Variants in BCKDHB observed in about 807,000 individuals in gnomAD.
BCKDHB encodes 2-oxoisovalerate dehydrogenase subunit beta, mitochondrial.
A neutral mutation model predicts 48.5 loss-of-function variants in BCKDHB; 41 were observed. The observed-to-expected ratio is 0.85, with a 90% CI of 0.66 to 1.10. The LOEUF (loss-of-function observed/expected upper bound fraction) is 1.10, where lower values mean the gene tolerates loss of function less well. Among genes scored for constraint, BCKDHB ranks in the 50% least tolerant of loss-of-function variants. The pLI is 0.00. For synonymous variants in BCKDHB, 201 were observed against 174.8 expected (o/e 1.15, Z -1.18); for missense variants, 496 against 494.2 (o/e 1.00, Z -0.03).
At position 80,230,026 on chromosome 6, in the gene BCKDHB, G is replaced by GTTT. The variant is rs551632775; in HGVS notation, c.951+26842_951+26844dup. On this transcript the variant is annotated intron_variant, in intron 8 of 9. Coordinates refer to ENST00000320393, the MANE Select transcript of BCKDHB (RefSeq NM_183050.4). Reference sequence around the variant, plus strand: ...TGAATTCCAAAGGGGTTTTTAGGTTGTTTTTTTTTTTTTTTTTTTTTTTTT... The same window carrying GTTT: ...TGAATTCCAAAGGGGTTTTTAGGTTGTTTTTTTTTTTTTTTTTTTTTTTTTTTT... Among the ~76,000 whole-genome samples the GTTT allele has an allele frequency of 2.5e-3, 152 of 60,654 alleles. 13 individuals are homozygous for GTTT. Among genetic ancestry groups the GTTT allele is most frequent in the African/African-American group, 5.1e-3 (74 of 14,482 alleles). 39.8% of individuals were successfully genotyped at this position (60,654 alleles called of 152,430 possible). A position where few individuals can be genotyped will look rare whatever the true frequency, so the allele number is the denominator to read the frequency against.
At chr6:80,351,843 C>T in the BCKDHB span, among the ~76,000 whole-genome samples, 6 of 142,016 alleles carry the variant, frequency 4.2e-5, no homozygotes, top group East Asian at 2.0e-4. Flanking sequence ...TTTTTTGAGA[C>T]GGAGTTTCGC....
At chr6:80,424,504 T>G in the BCKDHB span, among the ~76,000 whole-genome samples, 1 of 152,346 alleles carries the variant, frequency 6.6e-6, no homozygotes, top group South Asian at 2.1e-4. Context: ...CATTACATAA[T>G]TAATTTGGCT....
At chr6:80,414,396 G>T in the BCKDHB span, among the ~76,000 whole-genome samples, 11 of 152,050 alleles carry the variant, frequency 7.2e-5, no homozygotes, top group Non-Finnish European at 1.5e-4. Flanking sequence ...GTATTTTCTA[G>T]GTTGCCTTCC....
chr6:80,311,722 G>T (rs1419432131), intron 9 of BCKDHB, among the ~76,000 whole-genome samples: 3 of 152,098 alleles, frequency 2.0e-5, no homozygotes, highest in Non-Finnish European at 4.4e-5. Context: ...GTTCATCAAA[G>T]ATCAAATTGT....
At chr6:80,394,234 G>A in the BCKDHB span, among the ~76,000 whole-genome samples, 1 of 152,022 alleles carries the variant, frequency 6.6e-6, no homozygotes, top group African/African-American at 2.4e-5. Context: ...TTTCTCTACT[G>A]TTTCAATCTC....
chr6:80,276,535 A>C (rs575111166), intron 9 of BCKDHB, among the ~76,000 whole-genome samples: 1 of 151,922 alleles, frequency 6.6e-6, no homozygotes, highest in Non-Finnish European at 1.5e-5. Flanking sequence ...TTTAAAGCTT[A>C]TTTTAGTATA....
At chr6:80,417,848 C>T in the BCKDHB span, among the ~76,000 whole-genome samples, 3 of 151,820 alleles carry the variant, frequency 2.0e-5, no homozygotes, top group Non-Finnish European at 4.4e-5. Flanking sequence ...ACTGAGGTTC[C>T]CTGTATTTTC....
At chr6:80,351,689 C>T in the BCKDHB span, among the ~76,000 whole-genome samples, 2 of 142,110 alleles carry the variant, frequency 1.4e-5, no homozygotes, top group Admixed American at 7.6e-5. Context: ...GTCACCCAGG[C>T]TGGAGTGCAG....
At chr6:80,256,583 A>T (rs1777061184) in intron 8 of BCKDHB, among the ~76,000 whole-genome samples, 2 of 152,220 alleles carry the variant, frequency 1.3e-5, no homozygotes, top group Admixed American at 1.3e-4. Flanking sequence ...TTGACTAAGG[A>T]AAATATCCAA....
intron 8 of BCKDHB, chr6:80,251,740 G>T (rs1776847956): frequency 6.6e-6 from 1 of 152,124 alleles, no homozygotes; most frequent in South Asian, 2.1e-4. Flanking sequence ...GGTATTTGCA[G>T]CAACCAACAT....
At chr6:80,145,976 A>T (rs891643090) in intron 3 of BCKDHB, among the ~76,000 whole-genome samples, 1 of 152,094 alleles carries the variant, frequency 6.6e-6, no homozygotes, top group Non-Finnish European at 1.5e-5. Flanking sequence ...AGTTGTGTGT[A>T]TGTGTGTATA....
the BCKDHB span, among the ~76,000 whole-genome samples, chr6:80,382,743 G>A: frequency 5.3e-5 from 8 of 151,904 alleles, no homozygotes; most frequent in Admixed American, 4.6e-4. Context: ...GAAATCCAAA[G>A]AACCAATGTG....
intron 9 of BCKDHB, among the ~76,000 whole-genome samples, chr6:80,326,627 C>T (rs965328437): frequency 6.6e-6 from 1 of 152,154 alleles, no homozygotes; most frequent in Non-Finnish European, 1.5e-5. Context: ...GTGGCTCACA[C>T]CTGTAATCCC....
intron 9 of BCKDHB, among the ~76,000 whole-genome samples, chr6:80,338,541 T>C (rs1769718806): frequency 6.6e-6 from 1 of 152,232 alleles, no homozygotes; most frequent in African/African-American, 2.4e-5. Context: ...TACGTATTTT[T>C]GGTATTTTCT....
chr6:80,327,944 T>C (rs1195105643), intron 9 of BCKDHB, among the ~76,000 whole-genome samples: 8 of 137,838 alleles, frequency 5.8e-5, no homozygotes, highest in African/African-American at 1.9e-4. Flanking sequence ...CTTCCTTCCT[T>C]CCTTTCATTT....
chr6:80,224,697 A>AC (rs1182687696), intron 8 of BCKDHB, among the ~76,000 whole-genome samples: 1 of 152,076 alleles, frequency 6.6e-6, no homozygotes, highest in East Asian at 1.9e-4. Context: ...ACTGTGCCAG[A>AC]CCCCCAAAAA....
At chr6:80,201,458 A>G (rs1358911613) in intron 7 of BCKDHB, among the ~76,000 whole-genome samples, 1 of 152,160 alleles carries the variant, frequency 6.6e-6, no homozygotes, top group African/African-American at 2.4e-5. Flanking sequence ...TGAGGTGTCT[A>G]TATATATTAA....
chr6:80,294,889 T>A (rs1001476687), intron 9 of BCKDHB, among the ~76,000 whole-genome samples: 24 of 151,976 alleles, frequency 1.6e-4, no homozygotes, highest in African/African-American at 5.8e-4. Flanking sequence ...TCAGTGGTTC[T>A]GCTTTTTCCT....
chr6:80,320,248 A>T (rs536628483), intron 9 of BCKDHB, among the ~76,000 whole-genome samples: 6 of 152,280 alleles, frequency 3.9e-5, no homozygotes, highest in Admixed American at 1.3e-4. Flanking sequence ...ATATCTTTTT[A>T]AAAAAATTTT....
Sources: gnomAD v4.1 joint callset for allele counts (sites outside exome capture counted in the v4.1 genomes callset) on GRCh38, gnomAD v4.1.1 for gene constraint, MANE v1.5 for transcripts, NCBI Gene and HGNC (gene_info 2026-07-23, HGNC 2026-07-21) for gene names.